ZBTB46: variants seen among roughly 807,000 people sequenced by gnomAD.
ZBTB46 encodes the protein zinc finger and BTB domain-containing protein 46.
Under a neutral mutation model 44.1 loss-of-function variants are expected in ZBTB46, and 8 were observed. The ratio of observed to expected loss-of-function variants is 0.18; its 90% confidence interval spans 0.11 to 0.33. The LOEUF is 0.33. ZBTB46 is among the 10% of genes least tolerant of loss of function. ZBTB46 has a pLI of 1.00. For synonymous variants in ZBTB46, 409 were observed against 382.3 expected (o/e 1.07, Z -0.81); for missense variants, 651 against 847.7 (o/e 0.77, Z 2.88).
chr20:63,790,565 T>C lies in ZBTB46; in HGVS notation c.193A>G (p.Lys65Glu), dbSNP rs1031230092. The change falls in exon 2 of 5, where the codon AAG (lysine) becomes GAG (glutamate). Residue 65 changes from lysine (K) to glutamate (E), a missense_variant. By Grantham distance (56) the Lys-to-Glu change is moderately conservative (BLOSUM62 1). Around this residue, in one of 5 missense-constraint regions of ZBTB46, gnomAD observed 65 missense variants for 167.9 expected, o/e 0.39. Coordinates refer to ENST00000245663, the MANE Select transcript of ZBTB46 (RefSeq NM_001369741.1). ...GTGACCGTGGCCTGCTCCGACGTCTTCTGCACCTGGCAGTAGAGCGTCTTG... is the reference window on the plus strand; with the variant it reads ...GTGACCGTGGCCTGCTCCGACGTCTCCTGCACCTGGCAGTAGAGCGTCTTG... ...YFKTLYCQVQ[K>E]TSEQATVTHL... The C allele has an allele frequency of 3.1e-6, 5 of 1,613,450 alleles. No homozygotes were observed. The highest frequency in any genetic ancestry group is 4.2e-6 in the Non-Finnish European group (5 of 1,179,986).
At chr20:63,821,503 G>A (rs1357960960) in intron 1 of ZBTB46, among the ~76,000 whole-genome samples, 1 of 149,372 alleles carries the variant, frequency 6.7e-6, no homozygotes, top group East Asian at 2.0e-4. Context: ...GCAATGGTGC[G>A]CTCTCAGCTC....
At chr20:63,769,148 C>T (rs950803885) in intron 3 of ZBTB46, 3 of 980,608 alleles carry the variant, frequency 3.1e-6, no homozygotes, top group Non-Finnish European at 3.6e-6. Context: ...GGTGCCCGGG[C>T]TCATCTGGGC....
At chr20:63,796,077 A>T (rs1380814735) in intron 1 of ZBTB46, among the ~76,000 whole-genome samples, 1 of 152,216 alleles carries the variant, frequency 6.6e-6, no homozygotes, top group Non-Finnish European at 1.5e-5. Context: ...AGACCAAGGA[A>T]ATCTGAAGAC....
At chr20:63,828,152 G>A (rs1330101557) in intron 1 of ZBTB46, among the ~76,000 whole-genome samples, 1 of 152,172 alleles carries the variant, frequency 6.6e-6, no homozygotes, top group Non-Finnish European at 1.5e-5. Context: ...ACACCATTGG[G>A]GCCCTTTGTC....
In ZBTB46 at chr20:63,776,971, C is replaced by T. The variant is rs77275281; in HGVS notation, c.938-1009G>A. Among the ~76,000 whole-genome samples the T allele has an allele frequency of 2.3e-3, 350 of 152,060 alleles. 2 individuals carry two copies. The highest frequency in any genetic ancestry group is 8.1e-3 in the African/African-American group (337 of 41,444). On this transcript the variant is annotated intron_variant, in intron 2 of 4. Transcript: ENST00000245663. ...TCAGCATCACCCATCACTAAGGAAA[C>T]GCAAAACACAACACGATTCCACCAC...
rs529917428 is a variant in ZBTB46, at chr20:63,752,845, C to G, written c.1239G>C (p.Val413=). ...AHSLSLNEFT[V]IRKKFKCPYC... ...ACGGACACTTGAACTTCTTCCTGAT[C>G]ACCGTGAACTCATTCACTGAAAGAG... The change falls in exon 4 of 5, where the codon GTG becomes GTC. Residue 413 remains valine, a synonymous_variant. Coordinates refer to ENST00000245663, the MANE Select transcript of ZBTB46 (RefSeq NM_001369741.1). This position sits in a 1 kb window ranked among gnomAD's most constrained non-coding sequence, Gnocchi z 5.6. 4.4e-6 allele frequency: 7 copies of G among 1,607,916 alleles called. No homozygotes were observed. The South Asian group carries it at 7.7e-5, about 18-fold the overall frequency.
rs568344981 is a variant in ZBTB46 at position 63,789,856 on chromosome 20, G to T, written c.902C>A (p.Pro301Gln). ...RASSPVPSFL[P>Q]TSGWPFSSRD... ...GCTGCTGAACGGCCACCCCGACGTC[G>T]GCAGGAAGGACGGCACCGGGGAGCT... Residue 301 changes from proline to glutamine, a missense_variant, in exon 2 of 5, where the codon CCG becomes CAG. Pro to Gln is a moderately conservative substitution (Grantham distance 76). Transcript: ENST00000245663. 3 of 1,612,680 alleles carry T rather than the reference G, an allele frequency of 1.9e-6. No individual in the cohort carries two copies. The highest frequency in any genetic ancestry group is 1.3e-5 in the African/African-American group (1 of 74,936).
chr20:63,827,501 G>A (rs1362651315), intron 1 of ZBTB46, among the ~76,000 whole-genome samples: 13 of 151,646 alleles, frequency 8.6e-5, no homozygotes, highest in South Asian at 2.1e-4. Context: ...CCAGCTACTC[G>A]GGAGGCTGAG....
intron 3 of ZBTB46, among the ~76,000 whole-genome samples, chr20:63,765,699 G>C (rs924817310): frequency 7.2e-6 from 1 of 138,868 alleles, no homozygotes; most frequent in African/African-American, 2.8e-5. Context: ...CAAAGTACTG[G>C]GATTACAGGC....
intron 1 of ZBTB46, among the ~76,000 whole-genome samples, chr20:63,796,611 A>C (rs2092606063): frequency 6.6e-6 from 1 of 152,212 alleles, no homozygotes; most frequent in African/African-American, 2.4e-5. Flanking sequence ...GGATCACCTG[A>C]GGTCAGGAGT....
At chr20:63,832,783 CGACCTT>C (rs2092858742), upstream of ZBTB46, among the ~76,000 whole-genome samples, 1 of 152,160 alleles carries the variant, frequency 6.6e-6, no homozygotes, top group Non-Finnish European at 1.5e-5. This position sits in a 1 kb window ranked among gnomAD's most constrained non-coding sequence, Gnocchi z 5.0. Flanking sequence ...CCAGCCTCAC[CGACCTT>C]CGGGAAGTGG....
intron 1 of ZBTB46, among the ~76,000 whole-genome samples, chr20:63,793,621 G>C (rs949069900): frequency 1.1e-5 from 1 of 92,476 alleles, no homozygotes; most frequent in South Asian, 2.9e-4. Flanking sequence ...AAGAATTAAG[G>C]AGAACTATGA....
At chr20:63,812,871 G>T (rs971824358) in intron 1 of ZBTB46, among the ~76,000 whole-genome samples, 1 of 152,070 alleles carries the variant, frequency 6.6e-6, no homozygotes, top group Non-Finnish European at 1.5e-5. Context: ...CAAGGCAGGT[G>T]GATCATGAGG....
chr20:63,809,603 T>C (rs2092706401), intron 1 of ZBTB46, among the ~76,000 whole-genome samples: 1 of 152,172 alleles, frequency 6.6e-6, no homozygotes, highest in African/African-American at 2.4e-5. Flanking sequence ...GTGGCTTAAC[T>C]CAATGATACA....
At chr20:63,780,169 G>A (rs1012962947) in intron 2 of ZBTB46, among the ~76,000 whole-genome samples, 4 of 151,802 alleles carry the variant, frequency 2.6e-5, no homozygotes, top group Non-Finnish European at 2.9e-5. Flanking sequence ...TACTCGGCAA[G>A]CTGAGGCAGG....
Position 63,775,885 on chromosome 20 carries a change from C to T in ZBTB46, c.1015G>A (p.Glu339Lys), listed in dbSNP as rs779392769. The change falls in exon 3 of 5, where the codon GAG becomes AAG. Residue 339 changes from glutamate to lysine, a missense_variant. Coordinates refer to ENST00000245663, the MANE Select transcript of ZBTB46 (RefSeq NM_001369741.1). Reference sequence around the variant, plus strand: ...CTGGCTTCTCCTCCCAGGAGACCCTCCTCCACCTGTGCATAGAGCTCGGCC... The same window carrying T: ...CTGGCTTCTCCTCCCAGGAGACCCTTCTCCACCTGTGCATAGAGCTCGGCC... ...ERAELYAQVE[E>K]GLLGGEASYL... 60 of 1,612,304 alleles carry T rather than the reference C, an allele frequency of 3.7e-5. 1 individual carries two copies. In the South Asian group the frequency reaches 6.4e-4, roughly 17 times the overall value.
chr20:63,770,708 TGAACCACGGCGCATTCATGACGAG>T (rs934399126), intron 3 of ZBTB46, among the ~76,000 whole-genome samples: 12 of 152,204 alleles, frequency 7.9e-5, no homozygotes, highest in Admixed American at 2.6e-4. Context: ...CGCTGTTTGT[TGAACCACGGCGCATTCATGACGAG>T]GAGAACTGGG....
chr20:63,774,052 C>CCCA (rs2092399509), intron 3 of ZBTB46, among the ~76,000 whole-genome samples: 6 of 20,138 alleles, frequency 3.0e-4, no homozygotes, highest in Non-Finnish European at 6.8e-4. Flanking sequence ...AGTGGCACCC[C>CCCA]CCGCCCCCCC....
At chr20:63,830,077 A>C (rs1022417171) in intron 1 of ZBTB46, among the ~76,000 whole-genome samples, 4 of 152,246 alleles carry the variant, frequency 2.6e-5, no homozygotes, top group Non-Finnish European at 5.9e-5. Flanking sequence ...ATTCGCTGCG[A>C]ATCTCAAACT....
Sources: allele counts gnomAD v4.1 joint callset (sites outside exome capture counted in the v4.1 genomes callset), GRCh38; gene constraint gnomAD v4.1.1; regional missense constraint gnomAD v4.1.1; non-coding constraint Gnocchi (gnomAD v3.1); transcripts MANE v1.5; gene names NCBI Gene and HGNC (gene_info 2026-07-23, HGNC 2026-07-21).